PCDHGB3: variants seen among roughly 807,000 people sequenced by gnomAD.
PCDHGB3 encodes protocadherin gamma subfamily B, 3.
In PCDHGB3, 40 loss-of-function variants were observed where a neutral mutation model predicts 59.2. That is an observed-to-expected ratio of 0.68 (90% CI 0.52 to 0.88). The LOEUF (loss-of-function observed/expected upper bound fraction) is 0.88, where lower values mean the gene tolerates loss of function less well. PCDHGB3 is among the 40% of genes least tolerant of loss of function. PCDHGB3 has a pLI of 0.00. For missense variants in PCDHGB3, 1,309 were observed against 1,187.9 expected (o/e 1.10, Z -1.50); for synonymous variants, 581 against 503.6 (o/e 1.15, Z -2.06).
intron 1 of PCDHGB3, chr5:141,404,086 G>A: frequency 6.2e-7 from 1 of 1,613,630 alleles, no homozygotes; most frequent in Non-Finnish European, 8.5e-7. Flanking sequence ...ACTCCGGGAA[G>A]AATGGTCAAG....
At position 141,400,246 on chromosome 5, in the gene PCDHGB3, G is replaced by T. The variant is rs373890751; in HGVS notation, c.2415+27437G>T. 4 of 1,613,986 alleles carry T rather than the reference G, an allele frequency of 2.5e-6. No individual in the cohort carries two copies. In the East Asian group the frequency reaches 6.7e-5, roughly 27 times the overall value. Reference sequence around the variant, plus strand: ...CTTCCTCCTGGCCGTGATTCTGGCCGTTGCCTTGCGCCTGCGACGCTCCTC... The same window carrying T: ...CTTCCTCCTGGCCGTGATTCTGGCCTTTGCCTTGCGCCTGCGACGCTCCTC... On this transcript the variant is annotated intron_variant, in intron 1 of 3. Transcript: ENST00000576222.
chr5:141,448,956 C>A (rs2098619571), intron 1 of PCDHGB3, among the ~76,000 whole-genome samples: 1 of 151,948 alleles, frequency 6.6e-6, no homozygotes, highest in Non-Finnish European at 1.5e-5. Context: ...AAAAAACAAA[C>A]AAACAAACAA....
intron 1 of PCDHGB3, 162 bp from the exon 2 acceptor site, chr5:141,494,645 G>A: frequency 1.1e-6 from 1 of 935,948 alleles, no homozygotes. Flanking sequence ...GAGACCTGAG[G>A]TGTATTTTGT....
intron 1 of PCDHGB3, among the ~76,000 whole-genome samples, chr5:141,420,793 T>C (rs1400287885): frequency 6.6e-6 from 1 of 152,268 alleles, no homozygotes; most frequent in Non-Finnish European, 1.5e-5. Flanking sequence ...TGAAAACTTT[T>C]TAAAAATTAA....
rs757019379 is a variant in PCDHGB3 at position 141,390,006 on chromosome 5, G to T, written c.2415+17197G>T. 4.5e-5 allele frequency: 73 copies of T among 1,613,888 alleles called. No individual in the cohort carries two copies. Among genetic ancestry groups the T allele is most frequent in the Admixed American group, 1.7e-5 (1 of 60,004 alleles). ...GCTCTTCCTCGTGGCCATGATTCTG[G>T]CCATTGCCTTGCGCCTGCGACGCTC... On this transcript the variant is annotated intron_variant, in intron 1 of 3. Transcript: ENST00000576222.
intron 1 of PCDHGB3, among the ~76,000 whole-genome samples, chr5:141,469,103 C>G (rs949254605): frequency 6.6e-6 from 1 of 151,844 alleles, no homozygotes; most frequent in Non-Finnish European, 1.5e-5. Flanking sequence ...AAAGCAAGAA[C>G]CTGTCTCTAA....
intron 1 of PCDHGB3, among the ~76,000 whole-genome samples, chr5:141,442,700 TA>T (rs2098337605): frequency 6.6e-6 from 1 of 152,198 alleles, no homozygotes; most frequent in Non-Finnish European, 1.5e-5. Flanking sequence ...CAGACAAGAG[TA>T]TCAGACATGC....
intron 1 of PCDHGB3, chr5:141,423,081 C>A: frequency 6.2e-7 from 1 of 1,614,084 alleles, no homozygotes; most frequent in South Asian, 1.1e-5. Context: ...CGGGACTCTT[C>A]GCGGTGGGGG....
In PCDHGB3 at chr5:141,477,446, C is replaced by A; in HGVS notation, c.2416-17361C>A. 1 of 1,614,196 alleles carries A rather than the reference C, an allele frequency of 6.2e-7. No homozygotes were observed. The highest frequency in any genetic ancestry group is 8.5e-7 in the Non-Finnish European group (1 of 1,180,022). The stretch of plus-strand genomic sequence containing the variant: ...TTCCCTCTCAGCCCTTACAATAGTG[C>A]GTGTTCAAGTGTCCGACATCAATGA... On this transcript the variant is annotated intron_variant, in intron 1 of 3. Transcript: ENST00000576222. The surrounding 1 kb of genome is among the most constrained non-coding windows in gnomAD (Gnocchi z 4.9).
Position 141,491,405 on chromosome 5 carries a change from A to C in PCDHGB3, c.2416-3402A>C. 6.2e-7 allele frequency: 1 copy of C among 1,614,096 alleles called. No individual in the cohort carries two copies. Among genetic ancestry groups the C allele is most frequent in the Non-Finnish European group, 8.5e-7 (1 of 1,179,998 alleles). On this transcript the variant is annotated intron_variant, in intron 1 of 3. Coordinates refer to ENST00000576222, the MANE Select transcript of PCDHGB3 (RefSeq NM_018924.5). This position sits in a 1 kb window ranked among gnomAD's most constrained non-coding sequence, Gnocchi z 6.9. ...GCGAAGTGCCTTCAGGGAAACGCAG[A>C]CGGGGACGGGGGTGGAGGGCAGTGC... is the stretch of plus-strand genomic sequence containing the variant.
intron 1 of PCDHGB3, among the ~76,000 whole-genome samples, chr5:141,406,775 CACTT>C (rs2094850405): frequency 6.6e-6 from 1 of 152,200 alleles, no homozygotes; most frequent in Non-Finnish European, 1.5e-5. Context: ...ATATTTCTCT[CACTT>C]ATATATTATT....
intron 1 of PCDHGB3, chr5:141,390,508 T>C (rs2092164423): frequency 5.1e-6 from 3 of 589,420 alleles, no homozygotes; most frequent in Non-Finnish European, 8.8e-6. Flanking sequence ...AGCTTAGATT[T>C]ATAAAGCAAT....
In PCDHGB3 at chr5:141,372,553, G is replaced by T; in HGVS notation, c.2159G>T (p.Arg720Ile). 1 of 1,613,978 alleles carries T rather than the reference G, an allele frequency of 6.2e-7. No homozygotes were observed. The highest frequency in any genetic ancestry group is 8.5e-7 in the Non-Finnish European group (1 of 1,179,884). Residue 720 changes from arginine (R) to isoleucine (I), a missense_variant, in exon 1 of 4, where the codon AGA becomes ATA. Physicochemically the swap from Arg to Ile is moderately conservative, Grantham distance 97. Transcript: ENST00000576222. The stretch of plus-strand genomic sequence containing the variant: ...TCCCTGCGCCTGCGATGCTCCTCCA[G>T]ACCCGCCACTGAGGGCTACTTTCAG... ...AISLRLRCSSRPATEGYFQPG... is the reference protein window; with the variant it reads ...AISLRLRCSSIPATEGYFQPG...
chr5:141,372,962 A>T, intron 1 of PCDHGB3, 153 bp downstream of exon 1: 2 of 706,258 alleles, frequency 2.8e-6, no homozygotes, highest in Non-Finnish European at 4.5e-6. Context: ...TCTTTGTAGA[A>T]TTTCCTGTAG....
intron 1 of PCDHGB3, chr5:141,403,625 A>G (rs2094436092): frequency 6.2e-7 from 1 of 1,613,818 alleles, no homozygotes; most frequent in African/African-American, 1.3e-5. Context: ...TCGCTCCAGC[A>G]CAGTGCGCAT....
In PCDHGB3 at chr5:141,372,520, T is replaced by A; in HGVS notation, c.2126T>A (p.Leu709Gln). The A allele has an allele frequency of 6.2e-7, 1 of 1,614,068 alleles. No homozygotes were observed. Among genetic ancestry groups the A allele is most frequent in the Non-Finnish European group, 8.5e-7 (1 of 1,179,898 alleles). The change falls in exon 1 of 4, where the codon CTG becomes CAG. Residue 709 changes from leucine (L) to glutamine (Q), a missense_variant. Leu to Gln is a moderately radical substitution (Grantham distance 113). Coordinates refer to ENST00000576222, the MANE Select transcript of PCDHGB3 (RefSeq NM_018924.5). ...ISVLFLLAVI[L>Q]AISLRLRCSS... ...GTGCTCTTCCTCCTCGCGGTGATTC[T>A]GGCAATCTCCCTGCGCCTGCGATGC...
intron 1 of PCDHGB3, chr5:141,394,021 G>C (rs2092901030): frequency 6.2e-7 from 1 of 1,613,480 alleles, no homozygotes; most frequent in Non-Finnish European, 8.5e-7. Flanking sequence ...AATTATTATA[G>C]ATTAGTGACA....
At chr5:141,407,559 G>A (rs1210777840) in intron 1 of PCDHGB3, among the ~76,000 whole-genome samples, 1 of 151,834 alleles carries the variant, frequency 6.6e-6, no homozygotes, top group African/African-American at 2.4e-5. Context: ...TAGAACATAA[G>A]CTGAAAGATA....
At chr5:141,406,185 A>G (rs1204342088) in intron 1 of PCDHGB3, among the ~76,000 whole-genome samples, 1 of 150,712 alleles carries the variant, frequency 6.6e-6, no homozygotes, top group Non-Finnish European at 1.5e-5. Flanking sequence ...CAATCCTCCC[A>G]CCTCAGCCTT....
Sources: gnomAD v4.1 joint callset for allele counts (sites outside exome capture counted in the v4.1 genomes callset) on GRCh38, gnomAD v4.1.1 for gene constraint, Gnocchi (gnomAD v3.1) non-coding constraint, MANE v1.5 for transcripts, NCBI Gene and HGNC (gene_info 2026-07-23, HGNC 2026-07-21) for gene names.